PTPRO: variants seen among roughly 807,000 people sequenced by gnomAD.
PTPRO encodes protein tyrosine phosphatase receptor type O, also known as receptor-type tyrosine-protein phosphatase O.
A neutral mutation model predicts 145.2 loss-of-function variants in PTPRO; 62 were observed. The observed-to-expected ratio is 0.43, with a 90% CI of 0.35 to 0.53. The LOEUF (loss-of-function observed/expected upper bound fraction) is 0.53, where lower values mean the gene tolerates loss of function less well. PTPRO is among the 20% of genes least tolerant of loss of function. The pLI, the probability that PTPRO is intolerant of heterozygous loss-of-function variation, is 0.01. For missense variants in PTPRO, 1,345 were observed against 1,482.7 expected (o/e 0.91, Z 1.53); for synonymous variants, 565 against 514.7 (o/e 1.10, Z -1.32).
At chr12:15,463,505 A>G (rs1941351010) in intron 1 of PTPRO, among the ~76,000 whole-genome samples, 2 of 152,228 alleles carry the variant, frequency 1.3e-5, no homozygotes, top group Non-Finnish European at 2.9e-5. Context: ...GGATAAGGAA[A>G]CAATTGAGAT....
intron 19 of PTPRO, 95 bp from the exon 20 acceptor site, chr12:15,578,758 A>C: frequency 1.0e-6 from 1 of 969,460 alleles, no homozygotes; most frequent in Non-Finnish European, 1.6e-6. Flanking sequence ...CTGCAATGTC[A>C]TATAGCAAAG....
At chr12:15,401,028 C>T (rs1208466753) in intron 1 of PTPRO, among the ~76,000 whole-genome samples, 1 of 152,098 alleles carries the variant, frequency 6.6e-6, no homozygotes, top group East Asian at 1.9e-4. Context: ...GTAAGTCATT[C>T]TATATGCCCA....
intron 1 of PTPRO, among the ~76,000 whole-genome samples, chr12:15,327,100 GA>G (rs1418174156): frequency 6.6e-6 from 1 of 151,968 alleles, no homozygotes; most frequent in Non-Finnish European, 1.5e-5. Context: ...CATCTTTAAG[GA>G]AAATATAGGA....
At position 15,587,041 on chromosome 12, in the gene PTPRO, A is replaced by T; in HGVS notation, c.3400A>T (p.Ile1134Phe). The part of the protein sequence containing the change: ...QATKSKGPMI[I>F]HCSAGVGRTG... ...TACCAAGAGCAAAGGTCCCATGATC[A>T]TTCACTGCAGGTAACCTCATCAACT... is the stretch of plus-strand genomic sequence containing the variant. The change falls in exon 24 of 27, where the codon ATT becomes TTT. Residue 1134 changes from isoleucine to phenylalanine, a missense_variant. Physicochemically the swap from Ile to Phe is conservative, Grantham distance 21. Around this residue, in one of 3 missense-constraint regions of PTPRO, gnomAD observed 208 missense variants for 242.8 expected, o/e 0.86. Coordinates refer to ENST00000281171, the MANE Select transcript of PTPRO (RefSeq NM_030667.3). 1 of 1,614,102 alleles carries T rather than the reference A, an allele frequency of 6.2e-7. No individual in the cohort carries two copies. Among genetic ancestry groups the T allele is most frequent in the South Asian group, 1.1e-5 (1 of 91,076 alleles).
intron 15 of PTPRO, among the ~76,000 whole-genome samples, chr12:15,557,046 T>C (rs900697370): frequency 2.0e-5 from 3 of 149,736 alleles, no homozygotes; most frequent in African/African-American, 2.5e-5. Flanking sequence ...TTTTTTTTTT[T>C]CTTTTTCTTT....
intron 1 of PTPRO, among the ~76,000 whole-genome samples, chr12:15,399,330 T>C (rs1410220384): frequency 2.6e-5 from 4 of 152,198 alleles, no homozygotes; most frequent in African/African-American, 4.8e-5. Context: ...GTACTGGTGG[T>C]ATTGCTCTGT....
intron 1 of PTPRO, among the ~76,000 whole-genome samples, chr12:15,449,956 A>G (rs1015560537): frequency 6.6e-6 from 1 of 152,214 alleles, no homozygotes; most frequent in African/African-American, 2.4e-5. Context: ...TTAATTTTAA[A>G]TTGACAATTT....
intron 1 of PTPRO, among the ~76,000 whole-genome samples, chr12:15,420,584 T>A (rs1218237168): frequency 1.3e-4 from 19 of 150,122 alleles, no homozygotes; most frequent in Admixed American, 1.1e-3. Context: ...AGTCCTCTTA[T>A]TTTTGCAGTG....
At chr12:15,507,595 A>T (rs1425579762) in intron 6 of PTPRO, among the ~76,000 whole-genome samples, 3 of 152,210 alleles carry the variant, frequency 2.0e-5, no homozygotes, top group Non-Finnish European at 4.4e-5. Context: ...TCCCAAGAGA[A>T]CTACGGTAGC....
At chr12:15,411,696 G>T (rs549907608) in intron 1 of PTPRO, among the ~76,000 whole-genome samples, 2 of 152,188 alleles carry the variant, frequency 1.3e-5, no homozygotes, top group African/African-American at 2.4e-5. Context: ...AGAGTCTAAA[G>T]GACAAAACTA....
At chr12:15,457,026 G>T (rs1941195949) in intron 1 of PTPRO, among the ~76,000 whole-genome samples, 1 of 151,380 alleles carries the variant, frequency 6.6e-6, no homozygotes, top group East Asian at 1.9e-4. Flanking sequence ...TTCTTTTTCT[G>T]GTTCTTTGGG....
At chr12:15,490,739 A>G (rs992822350) in intron 2 of PTPRO, among the ~76,000 whole-genome samples, 10 of 152,214 alleles carry the variant, frequency 6.6e-5, no homozygotes, top group Non-Finnish European at 1.3e-4. Context: ...AATCAAGATA[A>G]GAAGTATCAA....
chr12:15,498,431 G>A (rs11056525), intron 3 of PTPRO, among the ~76,000 whole-genome samples: 29,238 of 151,930 alleles, frequency 0.19, 2,979 homozygotes, highest in East Asian at 0.32. Context: ...GGTGGCGGGC[G>A]CCTGTAGTCC....
chr12:15,334,288 T>C (rs1380394601), intron 1 of PTPRO, among the ~76,000 whole-genome samples: 2 of 152,246 alleles, frequency 1.3e-5, no homozygotes, highest in African/African-American at 4.8e-5. Context: ...TGTCTTTTCC[T>C]GGATAAAATT....
intron 1 of PTPRO, among the ~76,000 whole-genome samples, chr12:15,335,361 G>T (rs910084075): frequency 1.3e-5 from 2 of 151,930 alleles, no homozygotes; most frequent in African/African-American, 4.8e-5. Context: ...GAGTCATGTG[G>T]TCATCTCTTA....
At chr12:15,587,165 A>T (rs1944447117) in intron 24 of PTPRO, 114 bp downstream of exon 24, 1 of 1,197,020 alleles carries the variant, frequency 8.4e-7, no homozygotes, top group East Asian at 2.5e-5. Context: ...ATAAACTCTG[A>T]TGTTTTTTAA....
chr12:15,502,874 G>C (rs1405192624), intron 5 of PTPRO, among the ~76,000 whole-genome samples: 7 of 151,988 alleles, frequency 4.6e-5, no homozygotes, highest in Admixed American at 4.6e-4. Context: ...GTTATAATTT[G>C]TAAAAATTTG....
At chr12:15,457,038 T>A (rs1941196322) in intron 1 of PTPRO, among the ~76,000 whole-genome samples, 1 of 152,198 alleles carries the variant, frequency 6.6e-6, no homozygotes, top group Non-Finnish European at 1.5e-5. Flanking sequence ...TTCTTTGGGG[T>A]GTAAAATTAG....
At chr12:15,585,343 A>G (rs1014512225) in intron 23 of PTPRO, among the ~76,000 whole-genome samples, 2 of 152,130 alleles carry the variant, frequency 1.3e-5, no homozygotes, top group African/African-American at 4.8e-5. Context: ...TATGCCCAAG[A>G]TAGTTTCTCA....
Sources: allele counts gnomAD v4.1 joint callset (sites outside exome capture counted in the v4.1 genomes callset), GRCh38; gene constraint gnomAD v4.1.1; regional missense constraint gnomAD v4.1.1; transcripts MANE v1.5; gene names NCBI Gene and HGNC (gene_info 2026-07-23, HGNC 2026-07-21).